Variants in NOL4L observed in about 807,000 individuals in gnomAD.
The protein encoded by NOL4L is nucleolar protein 4 like.
Under a neutral mutation model 64.5 loss-of-function variants are expected in NOL4L, and 7 were observed. That is an observed-to-expected ratio of 0.11 (90% confidence interval 0.06 to 0.20). NOL4L has a LOEUF of 0.20. NOL4L is among the 10% of genes least tolerant of loss of function. The probability of loss-of-function intolerance (pLI) is 1.00; values close to 1 mark genes in which losing one functional copy is unlikely to be tolerated. For synonymous variants in NOL4L, 413 were observed against 401.0 expected, an observed-to-expected ratio of 1.03 and a Z score of -0.36; for missense variants, 680 against 967.1, an observed-to-expected ratio of 0.70 and a Z score of 3.94.
rs556511778 is a variant in NOL4L, at chr20:32,565,866, AAAAC to A, written c.321+18700_321+18703del. ...GCAACATGGCAAGACCCCGTCTCTA[AAAAC>A]AAACAAACAAACAAAAACAGAAGAA... On this transcript the variant is annotated intron_variant, in intron 1 of 10. Coordinates refer to ENST00000621426, the MANE Select transcript of NOL4L (RefSeq NM_001256798.2). Among the ~76,000 whole-genome samples, 391 of 152,092 alleles carry A rather than the reference AAAAC, an allele frequency of 2.6e-3. 2 individuals carry two copies. The highest frequency in any genetic ancestry group is 2.8e-3 in the Non-Finnish European group (189 of 67,992).
At chr20:32,583,472 CG>C (rs1198653361) in intron 1 of NOL4L, among the ~76,000 whole-genome samples, 1 of 83,594 alleles carries the variant, frequency 1.2e-5, no homozygotes, top group Non-Finnish European at 2.6e-5. Context: ...AGCGGGGGAG[CG>C]GGGGAGGGAG....
At chr20:32,454,003 G>C (rs1448564788) in intron 6 of NOL4L, 2 of 541,316 alleles carry the variant, frequency 3.7e-6, no homozygotes, top group East Asian at 6.2e-5. Context: ...CTGCAATAGT[G>C]TATGCAGAGA....
intron 2 of NOL4L, among the ~76,000 whole-genome samples, chr20:32,522,268 C>T (rs1402254353): frequency 1.3e-5 from 2 of 152,244 alleles, no homozygotes; most frequent in Non-Finnish European, 2.9e-5. Flanking sequence ...TGTTATTTCT[C>T]AGCTGATTTG....
chr20:32,473,451 G>A (rs1229561452), intron 5 of NOL4L, among the ~76,000 whole-genome samples: 4 of 152,184 alleles, frequency 2.6e-5, no homozygotes, highest in African/African-American at 9.7e-5. Flanking sequence ...GACCTCACGA[G>A]GCATCAAGCA....
rs932197760 is a variant in NOL4L at position 32,453,871 on chromosome 20, G to A, written c.1120-110C>T. ...ACCAGGGTGGCACGCATGCCCTGCTGCCACGAGAGCCATAGCTGCGAGGCC... is the reference window on the plus strand; with the variant it reads ...ACCAGGGTGGCACGCATGCCCTGCTACCACGAGAGCCATAGCTGCGAGGCC... On this transcript the variant is annotated intron_variant, in intron 6 of 10. Transcript: ENST00000621426. The surrounding 1 kb of genome is among the most constrained non-coding windows in gnomAD (Gnocchi z 5.6). 4.8e-5 allele frequency: 46 copies of A among 950,088 alleles called. 2 individuals carry two copies. The highest frequency in any genetic ancestry group is 1.6e-5 in the African/African-American group (1 of 60,830). 58.9% of individuals were successfully genotyped at this position (950,088 alleles called of 1,614,324 possible). A position where few individuals can be genotyped will look rare whatever the true frequency, so the allele number is the denominator to read the frequency against.
chr20:32,558,771 C>A (rs1246152514), intron 1 of NOL4L, among the ~76,000 whole-genome samples: 1 of 152,118 alleles, frequency 6.6e-6, no homozygotes, highest in Non-Finnish European at 1.5e-5. Flanking sequence ...GTCCTAAGAG[C>A]CCCTGGGGAG....
rs774473113 is a variant in NOL4L, at chr20:32,453,013, G to C, written c.1498-7C>G. On this transcript the variant is annotated splice_polypyrimidine_tract_variant and splice_region_variant and intron_variant, in intron 8 of 10. Coordinates refer to ENST00000621426, the MANE Select transcript of NOL4L (RefSeq NM_001256798.2). This position sits in a 1 kb window ranked among gnomAD's most constrained non-coding sequence, Gnocchi z 5.6. ...GGGGTGGCGTGGGTCTGGTCTGCAG[G>C]CAGAACGGGGATGGAGCTAGCATGG... is the stretch of plus-strand genomic sequence containing the variant. 1.9e-5 allele frequency: 30 copies of C among 1,612,600 alleles called. No individual in the cohort carries two copies. Among genetic ancestry groups the C allele is most frequent in the Non-Finnish European group, 2.5e-5 (30 of 1,179,992 alleles).
chr20:32,505,926 C>T (rs1185088305), intron 4 of NOL4L, among the ~76,000 whole-genome samples: 1 of 152,012 alleles, frequency 6.6e-6, no homozygotes, highest in African/African-American at 2.4e-5. Flanking sequence ...TACAGAGTTT[C>T]TGTTTCGGGT....
intron 1 of NOL4L, among the ~76,000 whole-genome samples, chr20:32,540,515 C>T (rs1265724176): frequency 2.0e-5 from 3 of 152,152 alleles, no homozygotes; most frequent in East Asian, 1.9e-4. Flanking sequence ...TCTTCCTCCC[C>T]GGCCCCCACA....
chr20:32,494,253 GAAAAAAAAAAAAAAAAA>G (rs566317193), intron 4 of NOL4L, among the ~76,000 whole-genome samples: 1 of 22,028 alleles, frequency 4.5e-5, no homozygotes, highest in Non-Finnish European at 8.8e-5. Context: ...ATAATCTCGG[GAAAAAAAAAAAAAAAAA>G]AAAAAAAAAA....
In NOL4L at chr20:32,565,976, T is replaced by G. The variant is rs116006224; in HGVS notation, c.321+18594A>C. Among the ~76,000 whole-genome samples the G allele has an allele frequency of 4.2e-3, 639 of 152,190 alleles. 1 individual carries two copies. The highest frequency in any genetic ancestry group is 0.015 in the African/African-American group (602 of 41,498). On this transcript the variant is annotated intron_variant, in intron 1 of 10. Transcript: ENST00000621426. ...CTGAGGTGGGATGCTTGAGCCCAGG[T>G]CAAGGCTGCAGTGAGCTGTGATCGC...
At chr20:32,475,017 A>C in intron 4 of NOL4L, 2 of 985,446 alleles carry the variant, frequency 2.0e-6, no homozygotes, top group Non-Finnish European at 2.4e-6. Flanking sequence ...GGCGGATGGC[A>C]GGGCCTGGCT....
chr20:32,455,365 T>C (rs1323505634), intron 6 of NOL4L, among the ~76,000 whole-genome samples: 1 of 152,188 alleles, frequency 6.6e-6, no homozygotes, highest in African/African-American at 2.4e-5. Context: ...GAGCCCATGG[T>C]ACAGAATGTC....
chr20:32,496,187 G>A (rs1292548454), intron 4 of NOL4L, among the ~76,000 whole-genome samples: 3 of 152,158 alleles, frequency 2.0e-5, no homozygotes, highest in Non-Finnish European at 4.4e-5. Flanking sequence ...CCCCACTGCT[G>A]TTCCTACCCC....
chr20:32,527,961 GTGAGAACTGGGCCC>G (rs1290084794), intron 1 of NOL4L, 48 bp from the exon 2 acceptor site: 1 of 1,502,124 alleles, frequency 6.7e-7, no homozygotes, highest in Admixed American at 2.0e-5. Context: ...TGATGGCGGG[GTGAGAACTGGGCCC>G]TGAGGCCGGG....
chr20:32,551,378 AATCATCATCATC>A (rs58444321), intron 1 of NOL4L, among the ~76,000 whole-genome samples: 34 of 149,540 alleles, frequency 2.3e-4, no homozygotes, highest in African/African-American at 6.2e-4. Context: ...TCGGTCTCAA[AATCATCATCATC>A]ATCATCATCA....
At chr20:32,477,945 T>C (rs1276991711) in intron 4 of NOL4L, among the ~76,000 whole-genome samples, 1 of 152,222 alleles carries the variant, frequency 6.6e-6, no homozygotes, top group Non-Finnish European at 1.5e-5. Context: ...AATGGTTTTA[T>C]TAGATTTCCT....
intron 10 of NOL4L, 54 bp downstream of exon 10, chr20:32,452,182 A>C (rs1324617793): frequency 1.4e-6 from 2 of 1,459,686 alleles, no homozygotes; most frequent in East Asian, 2.5e-5. Flanking sequence ...GCTGCTCTGC[A>C]GACCCAGCTG....
chr20:32,550,023 T>C (rs1156781231), intron 1 of NOL4L, among the ~76,000 whole-genome samples: 2 of 152,208 alleles, frequency 1.3e-5, no homozygotes, highest in Admixed American at 6.5e-5. Flanking sequence ...GTCCATCAAC[T>C]GTTGAATAAA....
Sources: gnomAD v4.1 joint callset for allele counts (sites outside exome capture counted in the v4.1 genomes callset) on GRCh38, gnomAD v4.1.1 for gene constraint, Gnocchi (gnomAD v3.1) non-coding constraint, MANE v1.5 for transcripts, NCBI Gene and HGNC (gene_info 2026-07-23, HGNC 2026-07-21) for gene names.